KLB: variants seen among roughly 807,000 people sequenced by gnomAD.
KLB encodes the protein beta-klotho.
KLB carries 44 observed loss-of-function variants against 88.4 expected under a neutral mutation model. That is an observed-to-expected ratio of 0.50 (90% CI 0.39 to 0.64). The LOEUF (loss-of-function observed/expected upper bound fraction) is 0.64, where lower values mean the gene tolerates loss of function less well. Among genes scored for constraint, KLB ranks in the 30% least tolerant of loss-of-function variants. The probability of loss-of-function intolerance (pLI) is 0.00; values close to 1 mark genes in which losing one functional copy is unlikely to be tolerated. For missense variants in KLB, 1,137 were observed against 1,304.8 expected (o/e 0.87, Z 1.98); for synonymous variants, 548 against 513.4 (o/e 1.07, Z -0.91).
chr4:39,409,860 G>T (rs1742802475), intron 1 of KLB, among the ~76,000 whole-genome samples: 2 of 151,916 alleles, frequency 1.3e-5, no homozygotes, highest in Non-Finnish European at 2.9e-5. Context: ...GGAGGCAGAG[G>T]TTACAGTGAG....
At chr4:39,439,078 CT>C (rs1234824121) in intron 3 of KLB, among the ~76,000 whole-genome samples, 1 of 151,456 alleles carries the variant, frequency 6.6e-6, no homozygotes, top group Non-Finnish European at 1.5e-5. Context: ...TCACAGCTCA[CT>C]GTAGCCTCAA....
intron 1 of KLB, among the ~76,000 whole-genome samples, chr4:39,433,403 T>A (rs1229717179): frequency 6.6e-6 from 1 of 152,202 alleles, no homozygotes; most frequent in Non-Finnish European, 1.5e-5. Context: ...GCTTACTCTG[T>A]GCTAGGCATG....
intron 1 of KLB, among the ~76,000 whole-genome samples, chr4:39,429,500 GTC>G (rs1743294077): frequency 6.6e-6 from 1 of 152,200 alleles, no homozygotes; most frequent in Admixed American, 6.5e-5. Flanking sequence ...GGTCCTGGTT[GTC>G]TCTCAATGAC....
chr4:39,431,178 C>G (rs1422090872), intron 1 of KLB, among the ~76,000 whole-genome samples: 1 of 150,772 alleles, frequency 6.6e-6, no homozygotes, highest in Admixed American at 6.7e-5. Flanking sequence ...AATCTTCCCA[C>G]CTTGGCCTCC....
chr4:39,437,616 G>A, intron 2 of KLB, 111 bp from the exon 3 acceptor site: 1 of 1,257,998 alleles, frequency 7.9e-7, no homozygotes, highest in South Asian at 1.5e-5. Context: ...CTGAAAATTA[G>A]GGCAAAGGTT....
intron 1 of KLB, among the ~76,000 whole-genome samples, chr4:39,426,344 G>T (rs967357338): frequency 7.0e-6 from 1 of 143,804 alleles, no homozygotes; most frequent in African/African-American, 2.6e-5. Context: ...GAACCAGGGA[G>T]AAGAAGGTTG....
intron 3 of KLB, among the ~76,000 whole-genome samples, chr4:39,443,106 C>T (rs1364547355): frequency 6.6e-6 from 1 of 152,126 alleles, no homozygotes; most frequent in Non-Finnish European, 1.5e-5. Context: ...TTAACCATTT[C>T]TGGAAATAAT....
chr4:39,416,976 G>A (rs971766603), intron 1 of KLB, among the ~76,000 whole-genome samples: 1 of 151,974 alleles, frequency 6.6e-6, no homozygotes, highest in Non-Finnish European at 1.5e-5. Flanking sequence ...CCCCACCAAT[G>A]TCTTGAAGAT....
At chr4:39,435,126 A>G (rs1048156021) in intron 2 of KLB, among the ~76,000 whole-genome samples, 3 of 138,860 alleles carry the variant, frequency 2.2e-5, no homozygotes, top group East Asian at 2.2e-4. Context: ...GTATTGTCCA[A>G]TATTTTTTTT....
At chr4:39,445,192 A>G (rs1743708359) in intron 3 of KLB, among the ~76,000 whole-genome samples, 1 of 152,128 alleles carries the variant, frequency 6.6e-6, no homozygotes, top group South Asian at 2.1e-4. Flanking sequence ...ACCTTCCCAG[A>G]GTCACTGAGT....
chr4:39,451,084 A>G lies in KLB; in HGVS notation c.*2398A>G, dbSNP rs1743885971. 1 of 152,142 alleles carries G rather than the reference A, an allele frequency of 6.6e-6. No homozygotes were observed. The allele number at this position is 152,142 out of a possible 1,614,324, so 9.4% of individuals were successfully genotyped here. Reference sequence around the variant, plus strand: ...CCCTAAGTAATAAAATTCCTAACCCAGTACTGAGAGTCCTCCTTCTCTGCC... The same window carrying G: ...CCCTAAGTAATAAAATTCCTAACCCGGTACTGAGAGTCCTCCTTCTCTGCC... On this transcript the variant is annotated 3_prime_UTR_variant, in exon 5 of 5. Transcript: ENST00000257408.
chr4:39,439,210 A>G (rs1162296070), intron 3 of KLB, among the ~76,000 whole-genome samples: 1 of 151,838 alleles, frequency 6.6e-6, no homozygotes, highest in Non-Finnish European at 1.5e-5. Flanking sequence ...TGTTGCCCAG[A>G]CTGGTCTGGA....
chr4:39,434,010 G>A (rs1356338956), intron 1 of KLB, among the ~76,000 whole-genome samples, 200 bp from the exon 2 acceptor site: 1 of 152,210 alleles, frequency 6.6e-6, no homozygotes, highest in African/African-American at 2.4e-5. Context: ...CCAGCCTCCA[G>A]CTCTCCTGTA....
rs1304615785 is a variant in KLB at position 39,407,222 on chromosome 4, T to C, written c.273T>C (p.Thr91=). 4 of 1,614,166 alleles carry C rather than the reference T, an allele frequency of 2.5e-6. No homozygotes were observed. The East Asian group carries it at 8.9e-5, about 36-fold the overall frequency. ...FPKNFFWGIG[T]GALQVEGSWK... is the part of the protein sequence containing the mutation. The stretch of plus-strand genomic sequence containing the variant: ...AAAACTTTTTCTGGGGTATTGGGAC[T>C]GGAGCATTGCAAGTGGAAGGGAGTT... The change falls in exon 1 of 5, where the codon ACT becomes ACC. Residue 91 remains threonine, a synonymous_variant. Transcript: ENST00000257408.
At position 39,434,249 on chromosome 4, in the gene KLB, C is replaced by T. The variant is rs759921072; in HGVS notation, c.865C>T (p.Arg289Cys). ...KVWHNYNTHF[R>C]PHQKGWLSIT... ...TTGGCATAACTACAACACACATTTC[C>T]GCCCACATCAGAAGGGTTGGTTATC... Residue 289 changes from arginine to cysteine, a missense_variant, in exon 2 of 5, where the codon CGC (arginine) becomes TGC (cysteine). Coordinates refer to ENST00000257408, the MANE Select transcript of KLB (RefSeq NM_175737.4). 15 of 1,613,286 alleles carry T rather than the reference C, an allele frequency of 9.3e-6. No individual in the cohort carries two copies. The highest frequency in any genetic ancestry group is 3.3e-5 in the Admixed American group (2 of 59,854).
chr4:39,425,699 C>T (rs911687863), intron 1 of KLB, among the ~76,000 whole-genome samples: 7 of 152,288 alleles, frequency 4.6e-5, no homozygotes, highest in African/African-American at 7.2e-5. Flanking sequence ...TCCTTGGCCT[C>T]CCAAAGTGCC....
chr4:39,422,291 T>C (rs1297708653), intron 1 of KLB, among the ~76,000 whole-genome samples: 1 of 152,202 alleles, frequency 6.6e-6, no homozygotes, highest in African/African-American at 2.4e-5. Context: ...AGGTCATTTA[T>C]GTGGGAGAGA....
At chr4:39,412,732 G>A (rs1412389634) in intron 1 of KLB, among the ~76,000 whole-genome samples, 3 of 152,114 alleles carry the variant, frequency 2.0e-5, no homozygotes, top group Admixed American at 2.0e-4. Flanking sequence ...CATCTCCCCA[G>A]CTAGACTGAG....
At chr4:39,441,264 A>G (rs570760298) in intron 3 of KLB, among the ~76,000 whole-genome samples, 1 of 152,306 alleles carries the variant, frequency 6.6e-6, no homozygotes, top group Non-Finnish European at 1.5e-5. Flanking sequence ...TGTCCCCTCC[A>G]GAGCCAGTTC....
Sources: allele counts gnomAD v4.1 joint callset (sites outside exome capture counted in the v4.1 genomes callset), GRCh38; gene constraint gnomAD v4.1.1; transcripts MANE v1.5; gene names NCBI Gene and HGNC (gene_info 2026-07-23, HGNC 2026-07-21).